LIPI: variants seen among roughly 807,000 people sequenced by gnomAD.
LIPI encodes lipase I.
LIPI carries 59 observed loss-of-function variants against 50.6 expected under a neutral mutation model. The ratio of observed to expected loss-of-function variants is 1.16; its 90% CI spans 0.94 to 1.45. The LOEUF is 1.45. LIPI is among the 40% of genes most tolerant of loss of function. The pLI, the probability that LIPI is intolerant of heterozygous loss-of-function variation, is 0.00. For synonymous variants in LIPI, 203 were observed against 178.2 expected (o/e 1.14, Z -1.11); for missense variants, 586 against 536.3 (o/e 1.09, Z -0.92).
At chr21:14,164,435 C>G (rs2123152899) in intron 6 of LIPI, among the ~76,000 whole-genome samples, 1 of 152,228 alleles carries the variant, frequency 6.6e-6, no homozygotes, top group Non-Finnish European at 1.5e-5. Context: ...AGTGCATACC[C>G]CTCCTAGGGT....
At chr21:14,122,980 C>T (rs1267166605) in intron 9 of LIPI, among the ~76,000 whole-genome samples, 1 of 152,200 alleles carries the variant, frequency 6.6e-6, no homozygotes, top group African/African-American at 2.4e-5. Context: ...AACCTATTTA[C>T]TCAGCTAGCT....
intron 4 of LIPI, among the ~76,000 whole-genome samples, chr21:14,177,991 G>A (rs1354264184): frequency 6.6e-6 from 1 of 152,052 alleles, no homozygotes; most frequent in Non-Finnish European, 1.5e-5. Context: ...TACTATCTTA[G>A]CAGTTGTTTC....
At chr21:14,119,865 G>A (rs1326456080) in intron 9 of LIPI, among the ~76,000 whole-genome samples, 1 of 152,136 alleles carries the variant, frequency 6.6e-6, no homozygotes, top group Non-Finnish European at 1.5e-5. Context: ...TGTTAGCCGA[G>A]GATGCTAACA....
chr21:14,130,079 TAA>T (rs2017229604), intron 9 of LIPI, among the ~76,000 whole-genome samples: 1 of 152,086 alleles, frequency 6.6e-6, no homozygotes, highest in South Asian at 2.1e-4. Flanking sequence ...TGTAAAATTG[TAA>T]AGTTAGTTTT....
chr21:14,210,955 TAA>T, upstream of LIPI: 1 of 1,055,228 alleles, frequency 9.5e-7, no homozygotes, highest in Non-Finnish European at 1.1e-6. Flanking sequence ...GGTTCTTCTG[TAA>T]AAGTTCACTG....
intron 9 of LIPI, among the ~76,000 whole-genome samples, chr21:14,109,281 A>C (rs1305163354): frequency 6.6e-6 from 1 of 152,070 alleles, no homozygotes; most frequent in African/African-American, 2.4e-5. Context: ...CATAATGCTT[A>C]TAAGAAAGAA....
intron 9 of LIPI, among the ~76,000 whole-genome samples, chr21:14,139,867 G>A (rs779906097): frequency 1.8e-4 from 27 of 152,138 alleles, no homozygotes; most frequent in Non-Finnish European, 3.2e-4. Context: ...ATCCTACCTG[G>A]TGTGTCCAAG....
chr21:14,202,866 C>CA (rs567718410), intron 1 of LIPI, among the ~76,000 whole-genome samples: 20,986 of 151,534 alleles, frequency 0.14, 1,919 homozygotes, highest in South Asian at 0.21. Context: ...TTCTGCACAG[C>CA]AAAAAAAACT....
intron 9 of LIPI, among the ~76,000 whole-genome samples, chr21:14,135,278 T>C (rs7281965): frequency 0.027 from 4,139 of 152,246 alleles, 179 homozygotes; most frequent in African/African-American, 0.091. Context: ...AAAGCTCCAC[T>C]ATTCCCCACT....
intron 1 of LIPI, among the ~76,000 whole-genome samples, chr21:14,202,281 C>A (rs577624861): frequency 2.9e-3 from 437 of 152,140 alleles, no homozygotes; most frequent in Middle Eastern, 0.01. Context: ...AGATTCAATG[C>A]CATCCCCATC....
chr21:14,192,281 A>AT (rs1281649402), intron 1 of LIPI, among the ~76,000 whole-genome samples: 3 of 152,172 alleles, frequency 2.0e-5, no homozygotes, highest in Non-Finnish European at 4.4e-5. Context: ...CCTGGACAAC[A>AT]TGGTGAAACC....
intron 9 of LIPI, among the ~76,000 whole-genome samples, chr21:14,134,933 C>G (rs2017435166): frequency 6.6e-6 from 1 of 151,940 alleles, no homozygotes; most frequent in Admixed American, 6.6e-5. Flanking sequence ...CAAAAATAGA[C>G]AAATGGGACT....
intron 7 of LIPI, among the ~76,000 whole-genome samples, chr21:14,157,696 A>C (rs1209566441): frequency 6.6e-6 from 1 of 151,936 alleles, no homozygotes; most frequent in East Asian, 1.9e-4. Flanking sequence ...TGAAAGAAAG[A>C]GAGAAGGACT....
intron 8 of LIPI, among the ~76,000 whole-genome samples, chr21:14,149,862 C>T (rs545390386): frequency 5.9e-5 from 9 of 152,344 alleles, no homozygotes; most frequent in African/African-American, 2.2e-4. Context: ...GGTACGGCCC[C>T]TCTTCCAGCT....
intron 7 of LIPI, among the ~76,000 whole-genome samples, chr21:14,159,299 A>G (rs1028161164): frequency 6.6e-6 from 1 of 151,500 alleles, no homozygotes; most frequent in Non-Finnish European, 1.5e-5. Context: ...TAAAATACGC[A>G]CTAAGCCCAA....
intron 1 of LIPI, among the ~76,000 whole-genome samples, chr21:14,203,385 T>A (rs9983665): frequency 0.25 from 38,018 of 151,646 alleles, 5,051 homozygotes; most frequent in Middle Eastern, 0.34. Context: ...ACATACACAC[T>A]TACGTTTATT....
intron 5 of LIPI, among the ~76,000 whole-genome samples, chr21:14,166,071 A>G (rs1223096118): frequency 6.6e-6 from 1 of 152,224 alleles, no homozygotes; most frequent in East Asian, 1.9e-4. Context: ...TACTTGAGCT[A>G]CATGTGCTTC....
intron 1 of LIPI, among the ~76,000 whole-genome samples, chr21:14,206,629 T>C (rs1211833882): frequency 6.6e-6 from 1 of 151,976 alleles, no homozygotes; most frequent in Non-Finnish European, 1.5e-5. Context: ...AAATCCTACA[T>C]GAAAACCTCC....
chr21:14,208,293 T>G (rs901331575), intron 1 of LIPI, among the ~76,000 whole-genome samples: 19 of 152,202 alleles, frequency 1.2e-4, no homozygotes, highest in Admixed American at 1.2e-3. Flanking sequence ...GTAGAATTGC[T>G]AATCTTGGGC....
Sources: gnomAD v4.1 joint callset for allele counts (sites outside exome capture counted in the v4.1 genomes callset) on GRCh38, gnomAD v4.1.1 for gene constraint, MANE v1.5 for transcripts, NCBI Gene and HGNC (gene_info 2026-07-23, HGNC 2026-07-21) for gene names.